RIMBP2: variants seen among roughly 807,000 people sequenced by gnomAD.
The protein encoded by RIMBP2 is RIMS binding protein 2.
A neutral mutation model predicts 118.6 loss-of-function variants in RIMBP2; 48 were observed. That is an observed-to-expected ratio of 0.40 (90% CI 0.32 to 0.51). The LOEUF (loss-of-function observed/expected upper bound fraction) is 0.51, where lower values mean the gene tolerates loss of function less well. Ranked by LOEUF, RIMBP2 falls within the 20% of genes least tolerant of loss-of-function variation. RIMBP2 has a pLI of 0.41. For synonymous variants in RIMBP2, 762 were observed against 742.9 expected, an observed-to-expected ratio of 1.03 and a Z score of -0.42; for missense variants, 1,551 against 1,768.3, an observed-to-expected ratio of 0.88 and a Z score of 2.20.
At chr12:130,520,597 G>A (rs1052248966) in intron 2 of RIMBP2, among the ~76,000 whole-genome samples, 4 of 150,656 alleles carry the variant, frequency 2.7e-5, no homozygotes, top group Admixed American at 6.6e-5. Context: ...ACTTGAACCC[G>A]GGAGGCAGAG....
At chr12:130,451,390 T>A (rs781238175) in intron 7 of RIMBP2, 50 bp from the exon 8 acceptor site, 1 of 1,559,968 alleles carries the variant, frequency 6.4e-7, no homozygotes, top group Non-Finnish European at 8.7e-7. Context: ...AATAACATCG[T>A]CAAAGCACGT....
intron 3 of RIMBP2, among the ~76,000 whole-genome samples, chr12:130,515,411 T>C (rs1013636355): frequency 6.6e-6 from 1 of 152,132 alleles, no homozygotes; most frequent in African/African-American, 2.4e-5. Context: ...TCCATTCTAC[T>C]GTTTGTCTCT....
chr12:130,669,347 C>A (rs2064095241), intron 1 of RIMBP2: 1 of 152,336 alleles, frequency 6.6e-6, no homozygotes. Flanking sequence ...GAAGACACAT[C>A]AGATGATATG....
At chr12:130,495,293 C>T (rs147463496) in intron 4 of RIMBP2, among the ~76,000 whole-genome samples, 3 of 152,354 alleles carry the variant, frequency 2.0e-5, no homozygotes, top group Admixed American at 6.5e-5. Context: ...CTGCCCCAGA[C>T]CAAGCCATCA....
intron 2 of RIMBP2, among the ~76,000 whole-genome samples, chr12:130,555,316 C>G (rs73454895): frequency 0.041 from 6,166 of 152,192 alleles, 402 homozygotes; most frequent in African/African-American, 0.14. Context: ...TAATAAAAAG[C>G]CTTTTCCAAA....
chr12:130,462,472 T>C (rs2080088961), intron 6 of RIMBP2, among the ~76,000 whole-genome samples: 1 of 151,984 alleles, frequency 6.6e-6, no homozygotes, highest in Non-Finnish European at 1.5e-5. Context: ...ACCATAAGCA[T>C]AAGGGATGGG....
chr12:130,638,475 C>G (rs1165194115), intron 1 of RIMBP2, among the ~76,000 whole-genome samples: 1 of 152,218 alleles, frequency 6.6e-6, no homozygotes, highest in Non-Finnish European at 1.5e-5. Flanking sequence ...GGCCGCACAG[C>G]AGGAGGTGAA....
In RIMBP2 at chr12:130,568,159, G is replaced by A. The variant is rs191212897; in HGVS notation, c.-216-50242C>T. ...GCCTTTGGCAGTCTTAAGGTAGGAT[G>A]TAAATTTATAGAAGAAGGCAGGGTT... On this transcript the variant is annotated intron_variant, in intron 2 of 22. Transcript: ENST00000690449. Among the ~76,000 whole-genome samples the A allele has an allele frequency of 1.9e-4, 29 of 152,314 alleles. No individual in the cohort carries two copies. In the East Asian group the frequency reaches 5.6e-3, roughly 29 times the overall value.
At position 130,617,831 on chromosome 12, in the gene RIMBP2, G is replaced by A. The variant is rs963761102; in HGVS notation, c.-217+10491C>T. Among the ~76,000 whole-genome samples, 2 of 152,094 alleles carry A rather than the reference G, an allele frequency of 1.3e-5. No homozygotes were observed. The highest frequency in any genetic ancestry group is 2.9e-5 in the Non-Finnish European group (2 of 68,020). On this transcript the variant is annotated intron_variant, in intron 2 of 22. Coordinates refer to ENST00000690449, the MANE Select transcript of RIMBP2 (RefSeq NM_001393629.1). The surrounding 1 kb of genome is among the most constrained non-coding windows in gnomAD (Gnocchi z 4.6). ...ACTTAGAGATGTTGTCCAATCATTG[G>A]AAAACTTTGATTGCATCAGCTGATT... is the stretch of plus-strand genomic sequence containing the variant.
chr12:130,582,626 C>T (rs1420069495), intron 2 of RIMBP2, among the ~76,000 whole-genome samples: 3 of 152,258 alleles, frequency 2.0e-5, no homozygotes, highest in Non-Finnish European at 4.4e-5. Context: ...ACTGCCTTCG[C>T]TTGATCTAGA....
rs2076626892 is a variant in RIMBP2, at chr12:130,424,381, G to A, written c.2890C>T (p.Leu964=). Residue 964 remains leucine, a synonymous_variant, in exon 16 of 23, where the codon CTG becomes TTG. Coordinates refer to ENST00000690449, the MANE Select transcript of RIMBP2 (RefSeq NM_001393629.1). The surrounding 1 kb of genome is among the most constrained non-coding windows in gnomAD (Gnocchi z 9.8). ...PRPLLARRRT[L]TRQSSVEEDF... is the part of the protein sequence containing the mutation. ...TCCTCCACGCTGCTCTGCCGGGTCA[G>A]CGTCCGCCGCCGGGCCAGCAGCGGC... is the stretch of plus-strand genomic sequence containing the variant. The A allele has an allele frequency of 2.4e-6, 3 of 1,232,702 alleles. No individual in the cohort carries two copies. The highest frequency in any genetic ancestry group is 3.2e-5 in the East Asian group (1 of 31,686). The allele number at this position is 1,232,702 out of a possible 1,614,324, so 76.4% of individuals were successfully genotyped here.
chr12:130,633,515 G>C (rs185042230), intron 1 of RIMBP2, among the ~76,000 whole-genome samples: 4 of 152,096 alleles, frequency 2.6e-5, no homozygotes, highest in Admixed American at 6.5e-5. Context: ...ACTGATCCTC[G>C]AGACCAAGGG....
intron 2 of RIMBP2, among the ~76,000 whole-genome samples, chr12:130,613,320 C>A (rs1405172056): frequency 6.6e-6 from 1 of 152,196 alleles, no homozygotes; most frequent in African/African-American, 2.4e-5. Context: ...CCCACAGATA[C>A]CCCTGCCGCA....
intron 2 of RIMBP2, among the ~76,000 whole-genome samples, chr12:130,591,475 C>T (rs2059260669): frequency 6.6e-6 from 1 of 152,154 alleles, no homozygotes; most frequent in Non-Finnish European, 1.5e-5. Context: ...TCCCACTCAC[C>T]GAGTGACTTA....
At position 130,688,856 on chromosome 12, in the gene RIMBP2, T is replaced by G. The variant is rs2065185684; in HGVS notation, c.-352+27366A>C. ...ACCAAGTCTAAACTCTGCAAAACGC[T>G]GGCTGAAACGTGGGCCTCACGTTGC... On this transcript the variant is annotated intron_variant, in intron 1 of 22. Coordinates refer to ENST00000690449, the MANE Select transcript of RIMBP2 (RefSeq NM_001393629.1). The surrounding 1 kb of genome is among the most constrained non-coding windows in gnomAD (Gnocchi z 4.7). 2.0e-5 allele frequency among the ~76,000 whole-genome samples: 3 copies of G among 152,248 alleles called. No homozygotes were observed. Among genetic ancestry groups the G allele is most frequent in the Non-Finnish European group, 1.5e-5 (1 of 68,042 alleles).
chr12:130,641,876 G>A (rs549924663), intron 1 of RIMBP2, among the ~76,000 whole-genome samples: 19 of 152,134 alleles, frequency 1.2e-4, no homozygotes, highest in Admixed American at 7.2e-4. Flanking sequence ...ATGACAGCTC[G>A]CCAGGGCCAT....
chr12:130,461,158 C>T (rs1454075060), intron 6 of RIMBP2, among the ~76,000 whole-genome samples: 3 of 152,182 alleles, frequency 2.0e-5, no homozygotes, highest in Non-Finnish European at 4.4e-5. Context: ...CCTAGCCACA[C>T]TGCCCTGCTT....
At chr12:130,675,493 T>C (rs1410743882) in intron 1 of RIMBP2, among the ~76,000 whole-genome samples, 1 of 152,010 alleles carries the variant, frequency 6.6e-6, no homozygotes, top group African/African-American at 2.4e-5. Context: ...GAGCCCCTGC[T>C]CCTGCAATGC....
chr12:130,437,343 C>G, intron 12 of RIMBP2, 52 bp from the exon 13 acceptor site: 1 of 1,464,602 alleles, frequency 6.8e-7, no homozygotes, highest in Non-Finnish European at 9.2e-7. Context: ...GCCCCGCGGT[C>G]CTGCAATGGG....
Sources: gnomAD v4.1 joint callset for allele counts (sites outside exome capture counted in the v4.1 genomes callset) on GRCh38, gnomAD v4.1.1 for gene constraint, Gnocchi (gnomAD v3.1) non-coding constraint, MANE v1.5 for transcripts, NCBI Gene and HGNC (gene_info 2026-07-23, HGNC 2026-07-21) for gene names.